GPC5: variants seen among roughly 807,000 people sequenced by gnomAD.
The protein encoded by GPC5 is glypican 5.
GPC5 carries 47 observed loss-of-function variants against 53.9 expected under a neutral mutation model. The observed-to-expected ratio is 0.87, with a 90% CI of 0.69 to 1.11. The LOEUF is 1.11. Ranked by LOEUF, GPC5 falls within the 50% of genes most tolerant of loss-of-function variation. The probability of loss-of-function intolerance (pLI) is 0.00; values close to 1 mark genes in which losing one functional copy is unlikely to be tolerated. For missense variants in GPC5, 748 were observed against 713.1 expected (o/e 1.05, Z -0.56); for synonymous variants, 286 against 263.3 (o/e 1.09, Z -0.84).
intron 4 of GPC5, among the ~76,000 whole-genome samples, chr13:91,735,714 T>C (rs1347226087): frequency 6.6e-6 from 1 of 151,264 alleles, no homozygotes; most frequent in Non-Finnish European, 1.5e-5. Flanking sequence ...TTAGGTTTTC[T>C]GTGTGGATGA....
chr13:91,419,290 A>G (rs1377675628), intron 1 of GPC5, among the ~76,000 whole-genome samples: 1 of 152,192 alleles, frequency 6.6e-6, no homozygotes, highest in Non-Finnish European at 1.5e-5. Context: ...AATAATAGTG[A>G]GACAATGAAT....
At chr13:92,407,286 G>T (rs1207330185) in intron 7 of GPC5, among the ~76,000 whole-genome samples, 1 of 152,074 alleles carries the variant, frequency 6.6e-6, no homozygotes, top group Admixed American at 6.6e-5. Context: ...TGCTTTTAAT[G>T]ACTTCTTTGA....
intron 2 of GPC5, among the ~76,000 whole-genome samples, chr13:91,643,066 G>T (rs2182543): frequency 0.92 from 139,317 of 152,146 alleles, 63,962 homozygotes; most frequent in East Asian, 1. Context: ...TTATTTTTCC[G>T]CTAGCAGTAT....
intron 1 of GPC5, among the ~76,000 whole-genome samples, chr13:91,435,603 G>T (rs1293070492): frequency 6.6e-6 from 1 of 152,166 alleles, no homozygotes; most frequent in Non-Finnish European, 1.5e-5. Context: ...TTTTATTGAG[G>T]ATTTTTGCAT....
intron 2 of GPC5, among the ~76,000 whole-genome samples, chr13:91,460,334 G>C (rs116536415): frequency 0.021 from 3,133 of 149,672 alleles, 89 homozygotes; most frequent in South Asian, 0.073. Context: ...AGTCTTACTT[G>C]TTGCCCAGCC....
chr13:91,803,397 T>A (rs1338529186), intron 5 of GPC5, among the ~76,000 whole-genome samples: 1 of 152,200 alleles, frequency 6.6e-6, no homozygotes, highest in African/African-American at 2.4e-5. Context: ...AACCTAAGTA[T>A]TATTTTTGTG....
chr13:91,962,958 C>T (rs748030643), intron 6 of GPC5, among the ~76,000 whole-genome samples: 8 of 152,128 alleles, frequency 5.3e-5, no homozygotes, highest in Non-Finnish European at 1.0e-4. Flanking sequence ...TCTAGTTTGT[C>T]ACTATTCCAT....
chr13:92,101,608 T>C (rs2138912742), intron 6 of GPC5, among the ~76,000 whole-genome samples: 1 of 152,350 alleles, frequency 6.6e-6, no homozygotes, highest in East Asian at 1.9e-4. Context: ...AATTTAAACA[T>C]GAGTGACTTA....
intron 7 of GPC5, among the ~76,000 whole-genome samples, chr13:92,790,793 G>A (rs2138774185): frequency 6.6e-6 from 1 of 152,204 alleles, no homozygotes; most frequent in African/African-American, 2.4e-5. Context: ...AAATGACCTT[G>A]TCCCTCCTTC....
chr13:92,672,956 T>C (rs1886799851), intron 7 of GPC5, among the ~76,000 whole-genome samples: 1 of 152,064 alleles, frequency 6.6e-6, no homozygotes, highest in African/African-American at 2.4e-5. Context: ...ATCTGGATGA[T>C]GAAATAATCT....
At chr13:92,717,239 T>C (rs2139280419) in intron 7 of GPC5, among the ~76,000 whole-genome samples, 1 of 152,222 alleles carries the variant, frequency 6.6e-6, no homozygotes, top group Admixed American at 6.5e-5. Context: ...TGTGTTATCT[T>C]CCATTGACAA....
intron 7 of GPC5, among the ~76,000 whole-genome samples, chr13:92,765,188 C>G (rs1216334942): frequency 6.6e-6 from 1 of 152,138 alleles, no homozygotes; most frequent in African/African-American, 2.4e-5. Flanking sequence ...GTAGAACTCA[C>G]TGCATAGGTA....
intron 2 of GPC5, among the ~76,000 whole-genome samples, chr13:91,674,522 TGC>T (rs2035329258): frequency 1.4e-5 from 2 of 142,922 alleles, no homozygotes; most frequent in African/African-American, 5.4e-5. Flanking sequence ...TACACATATA[TGC>T]GTATGTGTAT....
rs140330528 is a variant in GPC5 at position 92,409,893 on chromosome 13, A to G, written c.1561+264904A>G. Among the ~76,000 whole-genome samples, 559 of 152,342 alleles carry G rather than the reference A, an allele frequency of 3.7e-3. 4 individuals are homozygous for G. The highest frequency in any genetic ancestry group is 0.013 in the African/African-American group (522 of 41,586). On this transcript the variant is annotated intron_variant, in intron 7 of 7. Transcript: ENST00000377067. ...ATACTGCCACAGAGCAACTGTCAAG[A>G]TACGACTTTAAGGAGAAGGAAAAGA...
intron 7 of GPC5, among the ~76,000 whole-genome samples, chr13:92,392,818 T>C (rs912465523): frequency 7.2e-5 from 11 of 152,138 alleles, no homozygotes; most frequent in African/African-American, 2.2e-4. Context: ...TCACTGATCA[T>C]TGGAGAAATG....
intron 7 of GPC5, among the ~76,000 whole-genome samples, chr13:92,192,069 G>T (rs1185068688): frequency 6.6e-6 from 1 of 152,168 alleles, no homozygotes; most frequent in East Asian, 1.9e-4. Flanking sequence ...ATTAGTCGTT[G>T]CTAAGGGTTA....
intron 6 of GPC5, among the ~76,000 whole-genome samples, chr13:91,909,604 T>G (rs772271952): frequency 1.3e-3 from 198 of 152,284 alleles, no homozygotes; most frequent in Non-Finnish European, 1.9e-3. Flanking sequence ...AATATACATA[T>G]TAACTGGGCA....
At chr13:92,159,451 G>GCAT (rs1427423559) in intron 7 of GPC5, among the ~76,000 whole-genome samples, 1 of 152,124 alleles carries the variant, frequency 6.6e-6, no homozygotes, top group African/African-American at 2.4e-5. Flanking sequence ...TCAGGTATGA[G>GCAT]CATCACCTTG....
chr13:92,029,536 G>A (rs2040825307), intron 6 of GPC5, among the ~76,000 whole-genome samples: 1 of 152,150 alleles, frequency 6.6e-6, no homozygotes, highest in South Asian at 2.1e-4. Flanking sequence ...ACCACTTTCT[G>A]GGCTCCAGCT....
Sources: allele counts gnomAD v4.1 joint callset (sites outside exome capture counted in the v4.1 genomes callset), GRCh38; gene constraint gnomAD v4.1.1; transcripts MANE v1.5; gene names NCBI Gene and HGNC (gene_info 2026-07-23, HGNC 2026-07-21).